SERINC2: variants seen among roughly 807,000 people sequenced by gnomAD.
The protein encoded by SERINC2 is serine incorporator 2.
In SERINC2, 56 loss-of-function variants were observed where a neutral mutation model predicts 54.2. The ratio of observed to expected loss-of-function variants is 1.03; its 90% confidence interval spans 0.83 to 1.29. The LOEUF (loss-of-function observed/expected upper bound fraction) is 1.29. SERINC2 is among the 50% of genes most tolerant of loss of function. The pLI is 0.00. For missense variants in SERINC2, 614 were observed against 607.4 expected (o/e 1.01, Z -0.12); for synonymous variants, 272 against 253.1 (o/e 1.07, Z -0.71).
chr1:31,414,345 A>G, intron 1 of SERINC2: 1 of 1,295,900 alleles, frequency 7.7e-7, no homozygotes, highest in Non-Finnish European at 9.7e-7. Flanking sequence ...GGCCCCACAC[A>G]AAGAGGCCCT....
intron 1 of SERINC2, among the ~76,000 whole-genome samples, chr1:31,422,485 C>CT (rs558278606): frequency 5.2e-4 from 79 of 152,230 alleles, no homozygotes; most frequent in African/African-American, 1.8e-3. Context: ...TTAAAAGTCA[C>CT]TTCTTCAAGG....
In SERINC2 at chr1:31,429,537, A is replaced by G; in HGVS notation, c.1012A>G (p.Ser338Gly). 6.2e-7 allele frequency: 1 copy of G among 1,601,342 alleles called. No individual in the cohort carries two copies. Among genetic ancestry groups the G allele is most frequent in the Non-Finnish European group, 8.5e-7 (1 of 1,172,410 alleles). ...IIFLLCTLFI[S>G]LRSSDHRQVN... ...CTTCCTCCTGTGCACCCTCTTCATC[A>G]GGTATGGCCAGGTCTGGATTCTGGG... The change falls in exon 8 of 10, where the codon AGT becomes GGT. Residue 338 changes from serine (S) to glycine (G), a missense_variant and splice_region_variant. By Grantham distance (56) the Ser-to-Gly change is moderately conservative (BLOSUM62 0). Coordinates refer to ENST00000373709, the MANE Select transcript of SERINC2 (RefSeq NM_178865.5).
upstream of SERINC2, among the ~76,000 whole-genome samples, chr1:31,412,880 C>G (rs1640675581): frequency 6.6e-6 from 1 of 152,212 alleles, no homozygotes; most frequent in Admixed American, 6.5e-5. Flanking sequence ...CTGCGCCAAG[C>G]ACTGAGGAGT....
At chr1:31,428,494 G>T (rs1641102697) in intron 6 of SERINC2, among the ~76,000 whole-genome samples, 1 of 152,158 alleles carries the variant, frequency 6.6e-6, no homozygotes. Flanking sequence ...GCTGAAAGGT[G>T]GGTGGCTGGC....
chr1:31,414,331 C>A, intron 1 of SERINC2: 1 of 1,311,472 alleles, frequency 7.6e-7, no homozygotes, highest in Non-Finnish European at 9.6e-7. Flanking sequence ...CCCCCTCCCC[C>A]TCTGGCCCCA....
chr1:31,428,915 T>C (rs1570055793), intron 6 of SERINC2, 63 bp from the exon 7 acceptor site: 1 of 966,114 alleles, frequency 1.0e-6, no homozygotes, highest in Admixed American at 2.6e-5. Context: ...CTGGTGTGAG[T>C]GGGCTGGGTG....
chr1:31,426,925 C>T (rs1370144150), intron 6 of SERINC2, 102 bp downstream of exon 6: 6 of 1,115,752 alleles, frequency 5.4e-6, no homozygotes, highest in African/African-American at 1.5e-5. Context: ...ATCACAGAGG[C>T]ACGGCCTGAG....
chr1:31,432,697 C>G (rs1641344455), intron 8 of SERINC2, among the ~76,000 whole-genome samples: 2 of 152,262 alleles, frequency 1.3e-5, no homozygotes, highest in South Asian at 4.1e-4. Flanking sequence ...ATTATTCCGT[C>G]TAGTCCCCCC....
At chr1:31,425,616 C>T (rs2275436) in intron 4 of SERINC2, among the ~76,000 whole-genome samples, 160 bp from the exon 5 acceptor site, 67,039 of 152,116 alleles carry the variant, frequency 0.44, 16,974 homozygotes, top group Non-Finnish European at 0.57. Flanking sequence ...TGTCTTGCCC[C>T]GACCCATATC....
chr1:31,424,603 C>T (rs1640982908), intron 2 of SERINC2, 80 bp from the exon 3 acceptor site: 1 of 1,264,386 alleles, frequency 7.9e-7, no homozygotes, highest in Non-Finnish European at 1.1e-6. Flanking sequence ...CCTTGGGAGA[C>T]CAGGGCTCTG....
At chr1:31,421,259 C>T (rs1257439769) in intron 1 of SERINC2, among the ~76,000 whole-genome samples, 2 of 152,144 alleles carry the variant, frequency 1.3e-5, no homozygotes, top group East Asian at 1.9e-4. Context: ...CCATATCTGC[C>T]CCCTGCCAGC....
At chr1:31,429,344 G>A (rs781929531) in intron 7 of SERINC2, 53 bp from the exon 8 acceptor site, 5 of 1,554,430 alleles carry the variant, frequency 3.2e-6, no homozygotes, top group Non-Finnish European at 4.4e-6. Context: ...GGGCCACTTG[G>A]CTACCTAGGC....
In SERINC2 at chr1:31,431,839, G is replaced by A. The variant is rs1553134537; in HGVS notation, c.1014-1128G>A. ...CAGGGTGGATAGGGTGGATAGGGTG[G>A]ATAGGGTGGATAGGGTGGATAGGGT... On this transcript the variant is annotated intron_variant, in intron 8 of 9. Transcript: ENST00000373709. Among the ~76,000 whole-genome samples, 17 of 145,884 alleles carry A rather than the reference G, an allele frequency of 1.2e-4. No individual in the cohort carries two copies. The South Asian group carries it at 1.3e-3, about 11-fold the overall frequency.
chr1:31,425,607 G>A (rs1248404197), intron 4 of SERINC2, among the ~76,000 whole-genome samples, 169 bp from the exon 5 acceptor site: 1 of 152,184 alleles, frequency 6.6e-6, no homozygotes, highest in Non-Finnish European at 1.5e-5. Flanking sequence ...AGGGGGAGCT[G>A]TCTTGCCCCG....
upstream of SERINC2, among the ~76,000 whole-genome samples, chr1:31,412,916 G>C (rs1570018584): frequency 6.6e-6 from 1 of 152,224 alleles, no homozygotes; most frequent in Non-Finnish European, 1.5e-5. Context: ...CTTGGCTTCT[G>C]TTCCCAAGGG....
At chr1:31,425,987 G>A in intron 5 of SERINC2, 74 bp downstream of exon 5, 2 of 1,506,062 alleles carry the variant, frequency 1.3e-6, no homozygotes, top group African/African-American at 1.4e-5. Context: ...GAAATCGAGG[G>A]TCCTTGAAGC....
chr1:31,418,866 C>T (rs560792577), intron 1 of SERINC2, among the ~76,000 whole-genome samples: 1 of 152,238 alleles, frequency 6.6e-6, no homozygotes, highest in East Asian at 1.9e-4. Context: ...GTCTGCCTTG[C>T]CTTGGGAGGT....
Position 31,434,394 on chromosome 1 carries a change from G to C in SERINC2, c.*195G>C, listed in dbSNP as rs1641413875. The C allele has an allele frequency of 1.7e-6, 1 of 596,580 alleles. No homozygotes were observed. Among genetic ancestry groups the C allele is most frequent in the South Asian group, 2.0e-5 (1 of 48,896 alleles). The allele number at this position is 596,580 out of a possible 1,614,324, so 37.0% of individuals were successfully genotyped here. ...GTCCGAGGAGCATCAGGCTCCTGCA[G>C]AGCCCCATCCCCCCGCCACACCCAC... On this transcript the variant is annotated 3_prime_UTR_variant, in exon 10 of 10. Transcript: ENST00000373709.
chr1:31,413,464 C>T lies in SERINC2; in HGVS notation c.39+160C>T, dbSNP rs1309389304. Among the ~76,000 whole-genome samples the T allele has an allele frequency of 6.6e-6, 1 of 152,030 alleles. No individual in the cohort carries two copies. Among genetic ancestry groups the T allele is most frequent in the African/African-American group, 2.4e-5 (1 of 41,416 alleles). The stretch of plus-strand genomic sequence containing the variant: ...CTGCTCGCCCTCCTGGACCTTCACT[C>T]GGCACCCGGATCCCGCTGCCCCCGT... On this transcript the variant is annotated intron_variant, in intron 1 of 9. Transcript: ENST00000373709. This position sits in a 1 kb window ranked among gnomAD's most constrained non-coding sequence, Gnocchi z 5.0.
Sources: allele counts gnomAD v4.1 joint callset (sites outside exome capture counted in the v4.1 genomes callset), GRCh38; gene constraint gnomAD v4.1.1; non-coding constraint Gnocchi (gnomAD v3.1); transcripts MANE v1.5; gene names NCBI Gene and HGNC (gene_info 2026-07-23, HGNC 2026-07-21).